The following IGF2R variants were observed in gnomAD, a reference collection of about 807,000 sequenced individuals.
IGF2R encodes the protein cation-independent mannose-6-phosphate receptor.
Under a neutral mutation model 270.6 loss-of-function variants are expected in IGF2R, and 91 were observed. The ratio of observed to expected loss-of-function variants is 0.34; its 90% confidence interval spans 0.28 to 0.40. The LOEUF is 0.40. IGF2R is among the 10% of genes least tolerant of loss of function. The probability of loss-of-function intolerance (pLI) is 1.00; values close to 1 mark genes in which losing one functional copy is unlikely to be tolerated. For synonymous variants in IGF2R, 1,316 were observed against 1,258.9 expected, an observed-to-expected ratio of 1.05 and a Z score of -0.96; for missense variants, 2,805 against 3,188.3, an observed-to-expected ratio of 0.88 and a Z score of 2.90.
At chr6:159,980,208 A>AAGGAAGGAAGGAAGGAAGG (rs1562330501) in intron 1 of IGF2R, among the ~76,000 whole-genome samples, 1 of 90,570 alleles carries the variant, frequency 1.1e-5, no homozygotes, top group African/African-American at 4.6e-5. Context: ...AGAAAGAAAG[A>AAGGAAGGAAGGAAGGAAGG]AAGAAAGAAA....
chr6:160,090,195 G>T, intron 44 of IGF2R, 92 bp downstream of exon 44: 1 of 909,936 alleles, frequency 1.1e-6, no homozygotes. Context: ...TTGAAATCTC[G>T]GACCACTTTT....
rs1292890786 is a variant in IGF2R, at chr6:160,108,063, G to A, written c.*2979G>A. ...CGATCGGGTCACAAGGAGCCAGTGT[G>A]TGTGTCACCAGGAGGTTGTATGGAC... On this transcript the variant is annotated 3_prime_UTR_variant, in exon 48 of 48. Coordinates refer to ENST00000356956, the MANE Select transcript of IGF2R (RefSeq NM_000876.4). The A allele has an allele frequency of 6.6e-6, 1 of 152,350 alleles. No individual in the cohort carries two copies. The highest frequency in any genetic ancestry group is 1.5e-5 in the Non-Finnish European group (1 of 68,118). 9.4% of individuals were successfully genotyped at this position (152,350 alleles called of 1,614,324 possible).
chr6:160,088,497 C>T (rs899679450), intron 42 of IGF2R, among the ~76,000 whole-genome samples: 1 of 152,182 alleles, frequency 6.6e-6, no homozygotes, highest in Non-Finnish European at 1.5e-5. Context: ...CTGGGACCCT[C>T]GAGCAGCTGG....
At position 160,027,247 on chromosome 6, in the gene IGF2R, G is replaced by C. The variant is rs746902927; in HGVS notation, c.709G>C (p.Val237Leu). 4 of 1,614,236 alleles carry C rather than the reference G, an allele frequency of 2.5e-6. No individual in the cohort carries two copies. The East Asian group carries it at 8.9e-5, about 36-fold the overall frequency. ...ACPPGTAACLVRGHQAFDVGQ... is the reference protein window; with the variant it reads ...ACPPGTAACLLRGHQAFDVGQ... ...TCCCCCCGGCACTGCCGCCTGCCTG[G>C]TAAGAGGACACCAGGCGTTTGATGT... Residue 237 changes from valine (V) to leucine (L), a missense_variant, in exon 6 of 48, where the codon GTA becomes CTA. Physicochemically the swap from Val to Leu is conservative, Grantham distance 32. Transcript: ENST00000356956.
At chr6:160,071,461 T>A (rs1778737054) in intron 31 of IGF2R, among the ~76,000 whole-genome samples, 1 of 152,238 alleles carries the variant, frequency 6.6e-6, no homozygotes, top group South Asian at 2.1e-4. Context: ...AAGCCTTGGC[T>A]GGTGCCAGTG....
Position 160,050,445 on chromosome 6 carries a change from A to T in IGF2R, c.2515-28A>T. 1.3e-6 allele frequency: 2 copies of T among 1,588,800 alleles called. No homozygotes were observed. The highest frequency in any genetic ancestry group is 1.7e-6 in the Non-Finnish European group (2 of 1,161,920). On this transcript the variant is annotated intron_variant, in intron 18 of 47. Coordinates refer to ENST00000356956, the MANE Select transcript of IGF2R (RefSeq NM_000876.4). The surrounding 1 kb of genome is among the most constrained non-coding windows in gnomAD (Gnocchi z 4.0). ...GAATCGACTGTATCTTCAGGGGGAAAAGCCTAACAAGACTGGTTTTCTTGC... is the reference window on the plus strand; with the variant it reads ...GAATCGACTGTATCTTCAGGGGGAATAGCCTAACAAGACTGGTTTTCTTGC...
chr6:160,046,564 A>G lies in IGF2R; in HGVS notation c.1970A>G (p.Tyr657Cys). Residue 657 changes from tyrosine to cysteine, a missense_variant, in exon 15 of 48, where the codon TAT becomes TGT. This residue lies in a region of IGF2R where 954 missense variants were observed against 981.1 expected (regional missense o/e 0.97). Transcript: ENST00000356956. ...GCCTATAAAGTTGAGACAAAGAAGT[A>G]TGACTTTTATATAAATGTGTGTGGC... ...NGAYKVETKK[Y>C]DFYINVCGPV... 9.9e-6 allele frequency: 16 copies of G among 1,614,108 alleles called. No homozygotes were observed. Among genetic ancestry groups the G allele is most frequent in the Non-Finnish European group, 1.3e-5 (15 of 1,180,020 alleles).
At chr6:160,093,993 C>T in intron 44 of IGF2R, 2 of 660,892 alleles carry the variant, frequency 3.0e-6, no homozygotes, top group Admixed American at 1.8e-5. Context: ...GATTTCTTCA[C>T]TAAAGGACAG....
chr6:160,034,370 T>C (rs551847747), intron 9 of IGF2R, 49 bp from the exon 10 acceptor site: 1 of 1,250,864 alleles, frequency 8.0e-7, no homozygotes, highest in East Asian at 2.4e-5. Flanking sequence ...TTCAAGTTTT[T>C]TTCTTGGTTC....
At chr6:160,055,124 G>GAGC (rs1414405146) in intron 19 of IGF2R, among the ~76,000 whole-genome samples, 2 of 152,170 alleles carry the variant, frequency 1.3e-5, no homozygotes, top group African/African-American at 4.8e-5. Flanking sequence ...GGGTTCACCT[G>GAGC]AGCTTGGGCC....
intron 31 of IGF2R, among the ~76,000 whole-genome samples, chr6:160,071,280 A>G (rs1778730028): frequency 1.9e-5 from 2 of 103,630 alleles, no homozygotes; most frequent in African/African-American, 4.3e-5. Context: ...CTGGGAGGGA[A>G]GGGTGGGGGT....
Position 160,068,285 on chromosome 6 carries a change from G to C in IGF2R, c.4152G>C (p.Leu1384=), listed in dbSNP as rs748819041. Residue 1384 remains leucine (L), a synonymous_variant, in exon 30 of 48, where the codon CTG becomes CTC. Transcript: ENST00000356956. ...GAGNSFDLSS[L]SRYSDNWEAI... is the part of the protein sequence containing the mutation. ...GCAACTCCTTCGACCTCTCGTCCCT[G>C]TCAAGGTACAGTGACAACTGGGAAG... 3.7e-6 allele frequency: 6 copies of C among 1,614,158 alleles called. No individual in the cohort carries two copies. Among genetic ancestry groups the C allele is most frequent in the South Asian group, 1.1e-5 (1 of 91,096 alleles).
intron 1 of IGF2R, among the ~76,000 whole-genome samples, chr6:159,972,296 A>C (rs1412686489): frequency 6.6e-6 from 1 of 152,220 alleles, no homozygotes; most frequent in African/African-American, 2.4e-5. Context: ...CTGCTTGGTC[A>C]CATGGAGGCA....
rs1401726747 is a variant in IGF2R at position 159,969,311 on chromosome 6, C to G, written c.65C>G (p.Ser22Cys). The G allele has an allele frequency of 1.6e-6, 2 of 1,283,980 alleles. No homozygotes were observed. Among genetic ancestry groups the G allele is most frequent in the East Asian group, 3.4e-5 (1 of 29,708 alleles). The allele number at this position is 1,283,980 out of a possible 1,614,324, so 79.5% of individuals were successfully genotyped here. ...GPAPARRPQR[S>C]LLLLQLLLLV... Reference sequence around the variant, plus strand: ...GCGCCCGCCCGCCGCCCGCAGCGCTCTCTGCTCCTGCTGCAGCTGCTGCTG... The same window carrying G: ...GCGCCCGCCCGCCGCCCGCAGCGCTGTCTGCTCCTGCTGCAGCTGCTGCTG... Residue 22 changes from serine (S) to cysteine (C), a missense_variant, in exon 1 of 48, where the codon TCT becomes TGT. Around this residue, in one of 2 missense-constraint regions of IGF2R, gnomAD observed 954 missense variants for 981.1 expected, o/e 0.97. Coordinates refer to ENST00000356956, the MANE Select transcript of IGF2R (RefSeq NM_000876.4).
rs1189084939 is a variant in IGF2R, at chr6:160,044,595, A to T, written c.1703A>T (p.Asp568Val). 8 of 1,610,148 alleles carry T rather than the reference A, an allele frequency of 5.0e-6. No homozygotes were observed. The highest frequency in any genetic ancestry group is 6.8e-6 in the Non-Finnish European group (8 of 1,177,210). Residue 568 changes from aspartate (D) to valine (V), a missense_variant, in exon 13 of 48, where the codon GAT becomes GTT. By Grantham distance (152) the Asp-to-Val change is radical (BLOSUM62 -3). This residue lies in a region of IGF2R where 954 missense variants were observed against 981.1 expected (regional missense o/e 0.97). Transcript: ENST00000356956. The part of the protein sequence containing the change: ...EKGNIQLSYS[D>V]GDDCGHGKKI... Reference sequence around the variant, plus strand: ...GGAAACATTCAACTCTCTTATTCAGATGGTGATGATTGTGGTCATGGCAAG... The same window carrying T: ...GGAAACATTCAACTCTCTTATTCAGTTGGTGATGATTGTGGTCATGGCAAG...
chr6:160,097,009 T>G (rs1779376422), intron 45 of IGF2R, among the ~76,000 whole-genome samples: 1 of 152,242 alleles, frequency 6.6e-6, no homozygotes, highest in Non-Finnish European at 1.5e-5. Flanking sequence ...TGTGTAATCC[T>G]GGAACATCTT....
At chr6:159,995,123 G>A (rs1201182304) in intron 2 of IGF2R, among the ~76,000 whole-genome samples, 2 of 151,892 alleles carry the variant, frequency 1.3e-5, no homozygotes, top group African/African-American at 2.4e-5. Context: ...GTGCTTTGGT[G>A]TGGGGTGCAT....
At chr6:160,019,140 A>C (rs9347381) in intron 4 of IGF2R, among the ~76,000 whole-genome samples, 16,903 of 152,168 alleles carry the variant, frequency 0.11, 1,050 homozygotes, top group South Asian at 0.23. Flanking sequence ...AAAAGATCAT[A>C]AGAGACTTCT....
intron 4 of IGF2R, among the ~76,000 whole-genome samples, chr6:160,022,658 C>A (rs1360772273): frequency 6.6e-6 from 1 of 152,148 alleles, no homozygotes; most frequent in African/African-American, 2.4e-5. Context: ...AAACCCTTGA[C>A]CTCAAGGAGC....
Sources: allele counts gnomAD v4.1 joint callset (sites outside exome capture counted in the v4.1 genomes callset), GRCh38; gene constraint gnomAD v4.1.1; regional missense constraint gnomAD v4.1.1; non-coding constraint Gnocchi (gnomAD v3.1); transcripts MANE v1.5; gene names NCBI Gene and HGNC (gene_info 2026-07-23, HGNC 2026-07-21).